The following STT3A variants were observed in gnomAD, a reference collection of about 807,000 sequenced individuals.
STT3A encodes the protein STT3 oligosaccharyltransferase complex catalytic subunit A, also known as dolichyl-diphosphooligosaccharide--protein glycosyltransferase subunit STT3A.
Under a neutral mutation model 89.2 loss-of-function variants are expected in STT3A, and 34 were observed. The ratio of observed to expected loss-of-function variants is 0.38; its 90% confidence interval spans 0.29 to 0.51. STT3A has a LOEUF of 0.51. STT3A is among the 20% of genes least tolerant of loss of function. STT3A has a pLI of 0.89. For synonymous variants in STT3A, 282 were observed against 310.3 expected, an observed-to-expected ratio of 0.91 and a Z score of 0.96; for missense variants, 555 against 889.5, an observed-to-expected ratio of 0.62 and a Z score of 4.78.
chr11:125,622,030 C>G lies in STT3A; in HGVS notation c.*1220C>G, dbSNP rs1481272322. ...AGTCTGGGCGACAGTGAAATCTTGT[C>G]TAAACAAAAACAATTTAACTGGGAA... On this transcript the variant is annotated 3_prime_UTR_variant, in exon 18 of 18. Transcript: ENST00000392708. 1 of 152,114 alleles carries G rather than the reference C, an allele frequency of 6.6e-6. No individual in the cohort carries two copies. The highest frequency in any genetic ancestry group is 1.5e-5 in the Non-Finnish European group (1 of 68,032). 9.4% of individuals were successfully genotyped at this position (152,114 alleles called of 1,614,324 possible).
intron 11 of STT3A, 96 bp downstream of exon 11, chr11:125,611,615 A>G: frequency 9.7e-6 from 11 of 1,128,990 alleles, no homozygotes; most frequent in Non-Finnish European, 1.4e-5. Context: ...ATGATTGTGC[A>G]CATGCTTCCC....
At position 125,606,436 on chromosome 11, in the gene STT3A, T is replaced by G. The variant is rs1488297068; in HGVS notation, c.751T>G (p.Ser251Ala). 4.3e-6 allele frequency: 7 copies of G among 1,613,468 alleles called. No individual in the cohort carries two copies. Among genetic ancestry groups the G allele is most frequent in the Non-Finnish European group, 5.9e-6 (7 of 1,179,908 alleles). The change falls in exon 8 of 18, where the codon TCT (serine) becomes GCT (alanine). Residue 251 changes from serine to alanine, a missense_variant. Ser to Ala is a moderately conservative substitution (Grantham distance 99, BLOSUM62 1). Around this residue, in one of 5 missense-constraint regions of STT3A, gnomAD observed 149 missense variants for 206.2 expected, o/e 0.72. Transcript: ENST00000392708. ...TGTTTACTGCCTGGGCACTATACTT[T>G]CTATGCAGATCTCCTTTGTGGGTTT... is the stretch of plus-strand genomic sequence containing the variant. ...CTVYCLGTILSMQISFVGFQP... is the reference protein window; with the variant it reads ...CTVYCLGTILAMQISFVGFQP...
intron 16 of STT3A, among the ~76,000 whole-genome samples, chr11:125,619,706 G>A (rs1170387027): frequency 6.6e-6 from 1 of 152,148 alleles, no homozygotes; most frequent in Non-Finnish European, 1.5e-5. Flanking sequence ...TGCAAGGGTT[G>A]CTAGTGTATT....
At chr11:125,612,028 C>T (rs1445203095) in intron 11 of STT3A, among the ~76,000 whole-genome samples, 1 of 151,786 alleles carries the variant, frequency 6.6e-6, no homozygotes, top group African/African-American at 2.4e-5. Context: ...CTGGCATGCA[C>T]CACCATACCC....
chr11:125,604,319 A>C (rs1463395305), intron 6 of STT3A, 72 bp downstream of exon 6: 4 of 1,466,672 alleles, frequency 2.7e-6, no homozygotes, highest in Non-Finnish European at 3.8e-6. Context: ...AGTGCAGTCT[A>C]TGGTTTAGCA....
At position 125,621,553 on chromosome 11, in the gene STT3A, A is replaced by C. The variant is rs1008283286; in HGVS notation, c.*743A>C. 2 of 152,218 alleles carry C rather than the reference A, an allele frequency of 1.3e-5. No individual in the cohort carries two copies. Among genetic ancestry groups the C allele is most frequent in the Non-Finnish European group, 2.9e-5 (2 of 68,048 alleles). The allele number at this position is 152,218 out of a possible 1,614,324, so 9.4% of individuals were successfully genotyped here. A position where few individuals can be genotyped will look rare whatever the true frequency, so the allele number is the denominator to read the frequency against. On this transcript the variant is annotated 3_prime_UTR_variant, in exon 18 of 18. Transcript: ENST00000392708. ...GTGTTTTTGAATCAGCTTAAATATAATCATACATATCAATTTGAAATGGAG... is the reference window on the plus strand; with the variant it reads ...GTGTTTTTGAATCAGCTTAAATATACTCATACATATCAATTTGAAATGGAG...
At chr11:125,611,569 C>T (rs761522302) in intron 11 of STT3A, 50 bp downstream of exon 11, 5 of 1,520,632 alleles carry the variant, frequency 3.3e-6, no homozygotes, top group Non-Finnish European at 3.6e-6. Flanking sequence ...CTCTGAGGTG[C>T]TTTTTTATCT....
intron 3 of STT3A, among the ~76,000 whole-genome samples, chr11:125,598,687 C>T (rs981007070): frequency 8.5e-5 from 13 of 152,162 alleles, no homozygotes; most frequent in African/African-American, 3.1e-4. Context: ...TTACTGCAGC[C>T]TTGACTTGTG....
chr11:125,599,520 C>T (rs1487525691), intron 3 of STT3A, among the ~76,000 whole-genome samples: 1 of 152,124 alleles, frequency 6.6e-6, no homozygotes, highest in Non-Finnish European at 1.5e-5. Context: ...AAGTGATCCT[C>T]CCACCTCAGC....
In STT3A at chr11:125,602,545, T is replaced by C. The variant is rs1939716153; in HGVS notation, c.271+121T>C. The C allele has an allele frequency of 5.5e-6, 7 of 1,261,612 alleles. No homozygotes were observed. In the South Asian group the frequency reaches 1.2e-4, roughly 21 times the overall value. 78.2% of individuals were successfully genotyped at this position (1,261,612 alleles called of 1,614,324 possible). The stretch of plus-strand genomic sequence containing the variant: ...GTGACACTTGTAATTTCATCCTGAT[T>C]ACAGGTTCCTAAAAGTGCATCTTAC... On this transcript the variant is annotated intron_variant, in intron 4 of 17. Coordinates refer to ENST00000392708, the MANE Select transcript of STT3A (RefSeq NM_152713.5).
At chr11:125,612,775 G>T in intron 12 of STT3A, 28 bp downstream of exon 12, 1 of 1,609,736 alleles carries the variant, frequency 6.2e-7, no homozygotes, top group South Asian at 1.1e-5. Context: ...GAGTAGACTT[G>T]GGAAACTCTG....
At chr11:125,600,269 C>T (rs1010289295) in intron 3 of STT3A, among the ~76,000 whole-genome samples, 21 of 152,062 alleles carry the variant, frequency 1.4e-4, no homozygotes, top group Non-Finnish European at 2.5e-4. Context: ...AGGCTGGTCT[C>T]GAACTCCCGA....
chr11:125,603,383 G>A (rs564080523), intron 5 of STT3A: 1 of 160,304 alleles, frequency 6.2e-6, no homozygotes, highest in South Asian at 1.7e-4. Context: ...TTTGGCTTCC[G>A]TAGTAGACTC....
intron 15 of STT3A, among the ~76,000 whole-genome samples, chr11:125,616,603 C>T (rs975915316): frequency 5.3e-5 from 8 of 152,176 alleles, no homozygotes; most frequent in Admixed American, 4.6e-4. Flanking sequence ...AAAGTTGGGC[C>T]TGGCCCAGCT....
At chr11:125,597,999 G>T (rs1939546032) in intron 3 of STT3A, among the ~76,000 whole-genome samples, 1 of 152,088 alleles carries the variant, frequency 6.6e-6, no homozygotes, top group South Asian at 2.1e-4. Context: ...AGATCACAAG[G>T]TCAGGAGTTC....
intron 15 of STT3A, among the ~76,000 whole-genome samples, chr11:125,617,088 T>G (rs1940200773): frequency 6.6e-6 from 1 of 152,150 alleles, no homozygotes; most frequent in Admixed American, 6.5e-5. Flanking sequence ...GCTGATGTTC[T>G]GGGGGTTTAT....
At chr11:125,610,644 G>A (rs1286334050) in intron 10 of STT3A, 1 of 151,998 alleles carries the variant, frequency 6.6e-6, no homozygotes, top group Non-Finnish European at 1.5e-5. Flanking sequence ...TTGAGGCGAG[G>A]AGTTCAAGAC....
chr11:125,597,518 AAGAT>A (rs1341106860), intron 3 of STT3A, among the ~76,000 whole-genome samples: 10 of 152,176 alleles, frequency 6.6e-5, no homozygotes, highest in African/African-American at 2.4e-4. Context: ...CCTATCACTT[AAGAT>A]CTGGCTAGGC....
chr11:125,592,619 C>A (rs1939337094), upstream of STT3A: 2 of 395,678 alleles, frequency 5.1e-6, no homozygotes, highest in South Asian at 1.8e-5. Context: ...ACGTTCTTTC[C>A]GCGCTCTTGA....
Sources: allele counts gnomAD v4.1 joint callset (sites outside exome capture counted in the v4.1 genomes callset), GRCh38; gene constraint gnomAD v4.1.1; regional missense constraint gnomAD v4.1.1; transcripts MANE v1.5; gene names NCBI Gene and HGNC (gene_info 2026-07-23, HGNC 2026-07-21).